Variants in CELF4 observed in about 807,000 individuals in gnomAD.
CELF4 encodes the protein CUG-BP- and ETR-3-like factor 4.
CELF4 carries 18 observed loss-of-function variants against 59.9 expected under a neutral mutation model. The ratio of observed to expected loss-of-function variants is 0.30; its 90% confidence interval spans 0.21 to 0.45. The LOEUF is 0.45. Ranked by LOEUF, CELF4 falls within the 20% of genes least tolerant of loss-of-function variation. The probability of loss-of-function intolerance (pLI) is 1.00; values close to 1 mark genes in which losing one functional copy is unlikely to be tolerated. For synonymous variants in CELF4, 261 were observed against 267.1 expected (o/e 0.98, Z 0.22); for missense variants, 456 against 689.0 (o/e 0.66, Z 3.79).
At chr18:37,257,149 A>C (rs2070293244) in intron 11 of CELF4, among the ~76,000 whole-genome samples, 2 of 152,292 alleles carry the variant, frequency 1.3e-5, no homozygotes, top group East Asian at 3.9e-4. Flanking sequence ...TAGTGCTTAG[A>C]GCAGACTGCA....
At chr18:37,274,925 G>T in intron 4 of CELF4, 41 bp from the exon 5 acceptor site, 1 of 1,593,668 alleles carries the variant, frequency 6.3e-7, no homozygotes, top group East Asian at 2.3e-5. Flanking sequence ...CCAGAAGCAG[G>T]GCCAGGGAGG....
chr18:37,381,361 G>A lies in CELF4; in HGVS notation c.370-59480C>T, dbSNP rs114826284. Among the ~76,000 whole-genome samples, 969 of 152,276 alleles carry A rather than the reference G, an allele frequency of 6.4e-3. 5 individuals carry two copies. The highest frequency in any genetic ancestry group is 0.021 in the African/African-American group (886 of 41,558). ...TCTAAGTTGGGCTCTAAAGGGCAATGGAGGAGGCCCTCATGTTCTGTTTCT... is the reference window on the plus strand; with the variant it reads ...TCTAAGTTGGGCTCTAAAGGGCAATAGAGGAGGCCCTCATGTTCTGTTTCT... On this transcript the variant is annotated intron_variant, in intron 2 of 12. Transcript: ENST00000420428.
chr18:37,481,686 C>T (rs540788861), intron 2 of CELF4, among the ~76,000 whole-genome samples: 1 of 152,208 alleles, frequency 6.6e-6, no homozygotes, highest in African/African-American at 2.4e-5. Context: ...GGCCGTTTCT[C>T]GGACCAGTGC....
intron 1 of CELF4, among the ~76,000 whole-genome samples, chr18:37,539,089 T>C (rs2154605382): frequency 6.6e-6 from 1 of 152,254 alleles, no homozygotes; most frequent in Non-Finnish European, 1.5e-5. Context: ...CTCCCCGACA[T>C]GACAGACTCT....
intron 1 of CELF4, among the ~76,000 whole-genome samples, chr18:37,550,108 A>T (rs1460413862): frequency 6.8e-6 from 1 of 147,768 alleles, no homozygotes; most frequent in East Asian, 2.0e-4. Context: ...CGTGGGAAGA[A>T]AGAAACCCCA....
At chr18:37,265,210 CGTGT>C (rs879404951) in intron 9 of CELF4, among the ~76,000 whole-genome samples, 1 of 148,658 alleles carries the variant, frequency 6.7e-6, no homozygotes, top group East Asian at 2.0e-4. Flanking sequence ...TGGGTGTGTA[CGTGT>C]GTGTACGTGT....
intron 1 of CELF4, among the ~76,000 whole-genome samples, chr18:37,549,950 C>A (rs886384492): frequency 6.6e-6 from 1 of 151,986 alleles, no homozygotes; most frequent in Non-Finnish European, 1.5e-5. Flanking sequence ...CAAAATCAGT[C>A]GACATTAGGC....
At chr18:37,336,894 C>T (rs2097788136) in intron 2 of CELF4, among the ~76,000 whole-genome samples, 1 of 151,700 alleles carries the variant, frequency 6.6e-6, no homozygotes, top group Non-Finnish European at 1.5e-5. Flanking sequence ...GCTGTCACCC[C>T]AACCCCCGGC....
intron 2 of CELF4, among the ~76,000 whole-genome samples, chr18:37,428,725 A>C (rs1399066758): frequency 1.3e-5 from 2 of 152,194 alleles, no homozygotes; most frequent in Non-Finnish European, 2.9e-5. Context: ...TGAGGCAGGA[A>C]GACCTGAAGG....
chr18:37,362,481 C>T (rs575314826), intron 2 of CELF4, among the ~76,000 whole-genome samples: 7 of 152,136 alleles, frequency 4.6e-5, no homozygotes, highest in East Asian at 1.9e-4. Context: ...CAAAGCGGGA[C>T]GAGGACAGGG....
At position 37,244,498 on chromosome 18, in the gene CELF4, T is replaced by G. The variant is rs2061362063; in HGVS notation, c.*744A>C. 1 of 152,608 alleles carries G rather than the reference T, an allele frequency of 6.6e-6. No individual in the cohort carries two copies. The highest frequency in any genetic ancestry group is 1.5e-5 in the Non-Finnish European group (1 of 68,030). The allele number at this position is 152,608 out of a possible 1,614,324, so 9.5% of individuals were successfully genotyped here. ...TGGATGAGGGTCATCAAAGCGCCTC[T>G]CAAAGTATCAAAGAACTATTATCTT... On this transcript the variant is annotated 3_prime_UTR_variant, in exon 13 of 13. Transcript: ENST00000420428.
chr18:37,263,537 A>G (rs1395785276), intron 10 of CELF4, among the ~76,000 whole-genome samples: 2 of 151,936 alleles, frequency 1.3e-5, no homozygotes, highest in Non-Finnish European at 1.5e-5. Flanking sequence ...GGACCTTGTT[A>G]GTGTCCTGCC....
rs139992661 is a variant in CELF4 at position 37,390,802 on chromosome 18, C to CGGAT, written c.370-68922_370-68921insATCC. Reference sequence around the variant, plus strand: ...GGGAAGGCTGGTGGTGGTGATGGGGCGGGGAGGGGGGGCAGTGCTGCTGGC... The same window carrying CGGAT: ...GGGAAGGCTGGTGGTGGTGATGGGGCGGATGGGGAGGGGGGGCAGTGCTGCTGGC... On this transcript the variant is annotated intron_variant, in intron 2 of 12. Coordinates refer to ENST00000420428, the MANE Select transcript of CELF4 (RefSeq NM_020180.4). Among the ~76,000 whole-genome samples the CGGAT allele has an allele frequency of 3.5e-5, 2 of 57,842 alleles. 1 individual carries two copies. Among genetic ancestry groups the CGGAT allele is most frequent in the Non-Finnish European group, 6.4e-5 (2 of 31,426 alleles). The allele number at this position is 57,842 out of a possible 152,430, so 37.9% of individuals were successfully genotyped here. A position where few individuals can be genotyped will look rare whatever the true frequency, so the allele number is the denominator to read the frequency against.
chr18:37,387,042 G>A (rs1329302773), intron 2 of CELF4, among the ~76,000 whole-genome samples: 2 of 152,224 alleles, frequency 1.3e-5, no homozygotes, highest in Admixed American at 6.5e-5. Flanking sequence ...AGCCTGCTGC[G>A]CTGTGGAGGC....
chr18:37,379,099 C>A (rs1467431037), intron 2 of CELF4, among the ~76,000 whole-genome samples: 2 of 152,306 alleles, frequency 1.3e-5, no homozygotes, highest in South Asian at 4.1e-4. Flanking sequence ...CCCTGCAGAC[C>A]TTAGCAAGGT....
chr18:37,351,210 A>G (rs1162568851), intron 2 of CELF4, among the ~76,000 whole-genome samples: 2 of 152,040 alleles, frequency 1.3e-5, no homozygotes, highest in Non-Finnish European at 2.9e-5. Context: ...AAGTGGCCCA[A>G]TTAGCAAAAG....
intron 2 of CELF4, among the ~76,000 whole-genome samples, chr18:37,426,281 G>C (rs1057028135): frequency 1.3e-5 from 2 of 152,230 alleles, no homozygotes; most frequent in Non-Finnish European, 2.9e-5. Context: ...CTGAGGGTAA[G>C]TCATGTCTCC....
At chr18:37,352,669 G>T (rs553799186) in intron 2 of CELF4, among the ~76,000 whole-genome samples, 1 of 152,256 alleles carries the variant, frequency 6.6e-6, no homozygotes, top group African/African-American at 2.4e-5. Context: ...CCCTAGAGCT[G>T]GTGTTCCCTT....
intron 10 of CELF4, 26 bp from the exon 11 acceptor site, chr18:37,259,290 G>T (rs746418392): frequency 3.4e-6 from 3 of 884,144 alleles, no homozygotes; most frequent in Admixed American, 4.2e-5. Flanking sequence ...GGGGTGGGCG[G>T]GGGAGGAGGG....
Sources: gnomAD v4.1 joint callset for allele counts (sites outside exome capture counted in the v4.1 genomes callset) on GRCh38, gnomAD v4.1.1 for gene constraint, MANE v1.5 for transcripts, NCBI Gene and HGNC (gene_info 2026-07-23, HGNC 2026-07-21) for gene names.